MEIS2: variants seen among roughly 807,000 people sequenced by gnomAD.
MEIS2 encodes Meis homeobox 2, also known as homeobox protein Meis2.
Under a neutral mutation model 58.6 loss-of-function variants are expected in MEIS2, and 9 were observed. The observed-to-expected ratio is 0.15, with a 90% CI of 0.09 to 0.27. The LOEUF is 0.27. MEIS2 is among the 10% of genes least tolerant of loss of function. The pLI, the probability that MEIS2 is intolerant of heterozygous loss-of-function variation, is 1.00. For synonymous variants in MEIS2, 221 were observed against 228.4 expected, an observed-to-expected ratio of 0.97 and a Z score of 0.29; for missense variants, 427 against 635.0, an observed-to-expected ratio of 0.67 and a Z score of 3.52.
At chr15:36,995,706 T>TAAAAAAAAAAAAAAAAAAAAA (rs71821151) in intron 8 of MEIS2, among the ~76,000 whole-genome samples, 3 of 4,122 alleles carry the variant, frequency 7.3e-4, no homozygotes, top group African/African-American at 1.1e-3. Context: ...TTACAGCTAC[T>TAAAAAAAAAAAAAAAAAAAAA]AAAAAAAAAA....
At chr15:37,064,460 T>C (rs1889659966) in intron 7 of MEIS2, among the ~76,000 whole-genome samples, 1 of 152,106 alleles carries the variant, frequency 6.6e-6, no homozygotes. Flanking sequence ...AAAAGGACAT[T>C]ATGAATAATA....
intron 11 of MEIS2, among the ~76,000 whole-genome samples, chr15:36,894,236 T>C (rs1365251876): frequency 6.6e-6 from 1 of 152,194 alleles, no homozygotes; most frequent in Non-Finnish European, 1.5e-5. Flanking sequence ...ATATCTAGAC[T>C]AGGCATAATG....
chr15:36,948,738 T>C (rs1378205718), intron 9 of MEIS2, among the ~76,000 whole-genome samples: 1 of 152,012 alleles, frequency 6.6e-6, no homozygotes, highest in African/African-American at 2.4e-5. Context: ...AGACCACTGA[T>C]AACTTGTGCT....
At chr15:37,033,669 T>G (rs890112666) in intron 8 of MEIS2, among the ~76,000 whole-genome samples, 1 of 152,134 alleles carries the variant, frequency 6.6e-6, no homozygotes, top group Non-Finnish European at 1.5e-5. Flanking sequence ...ACTTTGAAAG[T>G]CGAAATTAAT....
intron 2 of MEIS2, 37 bp downstream of exon 2, chr15:37,097,930 T>TCACACA: frequency 6.4e-7 from 1 of 1,555,328 alleles, no homozygotes; most frequent in Non-Finnish European, 8.7e-7. Flanking sequence ...ACTCTCACAC[T>TCACACA]CACACACAGT....
At chr15:37,043,893 G>A (rs2062551212) in intron 7 of MEIS2, among the ~76,000 whole-genome samples, 2 of 151,880 alleles carry the variant, frequency 1.3e-5, no homozygotes, top group Admixed American at 6.6e-5. Flanking sequence ...TCACCATGTT[G>A]GCCAGGATGG....
At chr15:36,956,823 C>T (rs1019157097) in intron 8 of MEIS2, among the ~76,000 whole-genome samples, 4 of 147,474 alleles carry the variant, frequency 2.7e-5, no homozygotes, top group African/African-American at 1.0e-4. Flanking sequence ...AAACATAGAC[C>T]GATTTGGATT....
chr15:37,065,013 T>A (rs149673695), intron 7 of MEIS2, among the ~76,000 whole-genome samples: 2 of 152,282 alleles, frequency 1.3e-5, no homozygotes, highest in Non-Finnish European at 2.9e-5. Flanking sequence ...ATTTTGAAAT[T>A]ATGCTGAAAT....
At chr15:36,915,458 T>C (rs774967110) in intron 9 of MEIS2, among the ~76,000 whole-genome samples, 2 of 152,134 alleles carry the variant, frequency 1.3e-5, no homozygotes, top group Non-Finnish European at 2.9e-5. Context: ...GAAACACTGA[T>C]TTATGTTTTA....
chr15:37,094,647 G>A, intron 4 of MEIS2, 70 bp from the exon 5 acceptor site: 1 of 1,394,780 alleles, frequency 7.2e-7, no homozygotes, highest in Non-Finnish European at 1.0e-6. Context: ...GGTTGGGAGT[G>A]GGGTGAGGAT....
At chr15:37,015,424 T>C (rs1454611221) in intron 8 of MEIS2, among the ~76,000 whole-genome samples, 1 of 152,082 alleles carries the variant, frequency 6.6e-6, no homozygotes, top group African/African-American at 2.4e-5. Flanking sequence ...TTTTTTTCTT[T>C]TCCCCCTTTG....
intron 8 of MEIS2, among the ~76,000 whole-genome samples, chr15:37,011,578 TTA>T (rs1456424288): frequency 6.9e-6 from 1 of 145,520 alleles, no homozygotes; most frequent in Non-Finnish European, 1.5e-5. Flanking sequence ...TGAAAAAAGA[TTA>T]TGTTTACAGA....
chr15:36,914,261 A>G (rs567624219), intron 9 of MEIS2, among the ~76,000 whole-genome samples: 8 of 149,410 alleles, frequency 5.4e-5, no homozygotes, highest in Non-Finnish European at 8.8e-5. Context: ...GATGATAATA[A>G]GAAAACTCTT....
At chr15:37,074,166 CTG>C (rs1194736791) in intron 7 of MEIS2, among the ~76,000 whole-genome samples, 2 of 151,942 alleles carry the variant, frequency 1.3e-5, no homozygotes, top group South Asian at 2.1e-4. Flanking sequence ...AGACGTTGCT[CTG>C]TGTTTTCAAA....
At chr15:37,076,927 T>C (rs1031492287) in intron 7 of MEIS2, among the ~76,000 whole-genome samples, 3 of 152,078 alleles carry the variant, frequency 2.0e-5, no homozygotes, top group Non-Finnish European at 2.9e-5. Context: ...AATCACTTCC[T>C]CACAATGTCT....
chr15:37,002,454 C>A (rs1346173613), intron 8 of MEIS2, among the ~76,000 whole-genome samples: 2 of 152,146 alleles, frequency 1.3e-5, no homozygotes, highest in South Asian at 2.1e-4. Context: ...CATTTTATCT[C>A]TCCTACATGT....
intron 8 of MEIS2, among the ~76,000 whole-genome samples, chr15:36,963,067 T>C (rs891656388): frequency 1.3e-5 from 2 of 152,180 alleles, no homozygotes; most frequent in Non-Finnish European, 2.9e-5. Context: ...CTCAGGACTC[T>C]GGCTCCCCAT....
At chr15:37,052,719 G>A (rs2062973894) in intron 7 of MEIS2, among the ~76,000 whole-genome samples, 2 of 152,014 alleles carry the variant, frequency 1.3e-5, no homozygotes, top group South Asian at 2.1e-4. Context: ...TCACTTATTC[G>A]AAAGACCCAT....
At chr15:36,940,403 C>A (rs1405510570) in intron 9 of MEIS2, among the ~76,000 whole-genome samples, 1 of 152,004 alleles carries the variant, frequency 6.6e-6, no homozygotes, top group African/African-American at 2.4e-5. Flanking sequence ...ACCTCCCTTG[C>A]CAGCCAGTCT....
Sources: gnomAD v4.1 joint callset for allele counts (sites outside exome capture counted in the v4.1 genomes callset) on GRCh38, gnomAD v4.1.1 for gene constraint, MANE v1.5 for transcripts, NCBI Gene and HGNC (gene_info 2026-07-23, HGNC 2026-07-21) for gene names.